Variants in MAST4 observed in about 807,000 individuals in gnomAD.
MAST4 encodes the protein microtubule-associated serine/threonine-protein kinase 4.
Under a neutral mutation model 162.7 loss-of-function variants are expected in MAST4, and 89 were observed. The observed-to-expected ratio is 0.55, with a 90% CI of 0.46 to 0.65. The LOEUF (loss-of-function observed/expected upper bound fraction) is 0.65. Ranked by LOEUF, MAST4 falls within the 30% of genes least tolerant of loss-of-function variation. MAST4 has a pLI of 0.00. For missense variants in MAST4, 3,153 were observed against 3,374.0 expected (o/e 0.93, Z 1.62); for synonymous variants, 1,479 against 1,361.1 (o/e 1.09, Z -1.91).
intron 3 of MAST4, among the ~76,000 whole-genome samples, chr5:66,877,333 T>C (rs1023998353): frequency 2.0e-5 from 3 of 152,344 alleles, no homozygotes; most frequent in Non-Finnish European, 2.9e-5. Flanking sequence ...CTGCTTCTAG[T>C]TGCTTTACAC....
chr5:67,034,127 A>G (rs1171995784), intron 4 of MAST4, among the ~76,000 whole-genome samples: 2 of 152,132 alleles, frequency 1.3e-5, no homozygotes, highest in African/African-American at 2.4e-5. Context: ...TAAAAGGCCT[A>G]TATCTTTTGT....
In MAST4 at chr5:67,142,469, C is replaced by T; in HGVS notation, c.2666C>T (p.Thr889Ile). The T allele has an allele frequency of 6.2e-7, 1 of 1,600,870 alleles. No homozygotes were observed. The highest frequency in any genetic ancestry group is 8.5e-7 in the Non-Finnish European group (1 of 1,173,230). ...ATGGAAACGGAGGAAGAAGATGACA[C>T]AAATGATGAAGACTTTAATGTGGAA... is the stretch of plus-strand genomic sequence containing the variant. ...HHMETEEEDD[T>I]NDEDFNVEIR... is the part of the protein sequence containing the mutation. Residue 889 changes from threonine to isoleucine, a missense_variant, in exon 21 of 29, where the codon ACA becomes ATA. Thr to Ile is a moderately conservative substitution (Grantham distance 89, BLOSUM62 -1). Around this residue, in one of 7 missense-constraint regions of MAST4, gnomAD observed 619 missense variants for 744.2 expected, o/e 0.83. Transcript: ENST00000403625.
At chr5:66,919,973 CTTCT>C (rs1764421873) in intron 4 of MAST4, among the ~76,000 whole-genome samples, 5 of 63,406 alleles carry the variant, frequency 7.9e-5, no homozygotes, top group African/African-American at 2.3e-4. Flanking sequence ...TCCTTCCTTC[CTTCT>C]TTCTCTCTCT....
intron 12 of MAST4, chr5:67,115,097 A>G (rs914689086): frequency 2.6e-5 from 4 of 151,820 alleles, no homozygotes; most frequent in African/African-American, 9.7e-5. Context: ...TTAAAATAAT[A>G]TTATCAAATT....
rs1242555676 is a variant in MAST4 at position 67,165,974 on chromosome 5, C to A, written c.6795C>A (p.Gly2265=). 1 of 1,613,448 alleles carries A rather than the reference C, an allele frequency of 6.2e-7. No individual in the cohort carries two copies. Among genetic ancestry groups the A allele is most frequent in the Non-Finnish European group, 8.5e-7 (1 of 1,179,806 alleles). The change falls in exon 29 of 29, where the codon GGC becomes GGA. Residue 2265 remains glycine, a synonymous_variant. Coordinates refer to ENST00000403625, the MANE Select transcript of MAST4 (RefSeq NM_001164664.2). ...GSQNKASDGI[G]QGEGGPSVPL... Reference sequence around the variant, plus strand: ...AGAACAAAGCCAGCGATGGGATTGGCCAGGGAGAAGGTGGGCCCTCTGTCC... The same window carrying A: ...AGAACAAAGCCAGCGATGGGATTGGACAGGGAGAAGGTGGGCCCTCTGTCC...
At chr5:66,646,974 G>C (rs1745880893) in intron 1 of MAST4, among the ~76,000 whole-genome samples, 1 of 152,150 alleles carries the variant, frequency 6.6e-6, no homozygotes, top group Non-Finnish European at 1.5e-5. Context: ...GTTTGTCTAA[G>C]TCATTCCTGT....
At chr5:66,669,746 A>G (rs1466672526) in intron 1 of MAST4, among the ~76,000 whole-genome samples, 1 of 152,182 alleles carries the variant, frequency 6.6e-6, no homozygotes, top group Non-Finnish European at 1.5e-5. Flanking sequence ...GCCAAGAGGC[A>G]CTGTTTCTGG....
intron 4 of MAST4, among the ~76,000 whole-genome samples, chr5:67,049,020 TAC>T (rs1262895801): frequency 1.9e-5 from 2 of 102,920 alleles, no homozygotes; most frequent in South Asian, 2.9e-4. Context: ...TATATATATA[TAC>T]GTATATATAT....
chr5:67,151,586 G>A (rs1006546720), intron 24 of MAST4, among the ~76,000 whole-genome samples: 5 of 152,174 alleles, frequency 3.3e-5, no homozygotes, highest in African/African-American at 1.2e-4. Context: ...TATGCAATGA[G>A]ATTCTCTTCA....
rs115282891 is a variant in MAST4, at chr5:66,747,308, C to G, written c.364-12401C>G. On this transcript the variant is annotated intron_variant, in intron 1 of 28. Coordinates refer to ENST00000403625, the MANE Select transcript of MAST4 (RefSeq NM_001164664.2). The stretch of plus-strand genomic sequence containing the variant: ...TATGTGAATGCCACTGTAGTTTGAT[C>G]TAATACTGTATTTTGGGATGTTTCT... Among the ~76,000 whole-genome samples, 1,036 of 152,180 alleles carry G rather than the reference C, an allele frequency of 6.8e-3. 11 individuals are homozygous for G. Among genetic ancestry groups the G allele is most frequent in the African/African-American group, 0.024 (991 of 41,524 alleles).
intron 3 of MAST4, among the ~76,000 whole-genome samples, chr5:66,881,404 C>T (rs564910261): frequency 4.6e-5 from 7 of 152,256 alleles, no homozygotes; most frequent in Non-Finnish European, 1.0e-4. Context: ...ATATTGTGAC[C>T]AAAAACATCT....
Position 66,802,696 on chromosome 5 carries a change from G to C in MAST4, c.642+13902G>C, listed in dbSNP as rs190207578. 8.1e-4 allele frequency among the ~76,000 whole-genome samples: 123 copies of C among 152,088 alleles called. 1 individual carries two copies. The highest frequency in any genetic ancestry group is 2.8e-3 in the African/African-American group (115 of 41,490). On this transcript the variant is annotated intron_variant, in intron 3 of 28. Transcript: ENST00000403625. Reference sequence around the variant, plus strand: ...TGTGGAGGATTGTTTTATTTTTCCAGTTGTGATCCTCATAAATCACCCCAA... The same window carrying C: ...TGTGGAGGATTGTTTTATTTTTCCACTTGTGATCCTCATAAATCACCCCAA...
At position 67,162,743 on chromosome 5, in the gene MAST4, C is replaced by G. The variant is rs201605726; in HGVS notation, c.3922C>G (p.Arg1308Gly). ...PGSPTHSLSP[R>G]SPTPSYRSTP... ...TTCCCCCACTCATAGCTTGTCTCCC[C>G]GGTCTCCAACACCAAGCTACCGCTC... The change falls in exon 28 of 29, where the codon CGG (arginine) becomes GGG (glycine). Residue 1308 changes from arginine (R) to glycine (G), a missense_variant. This residue lies in a region of MAST4 where 619 missense variants were observed against 744.2 expected (regional missense o/e 0.83). Coordinates refer to ENST00000403625, the MANE Select transcript of MAST4 (RefSeq NM_001164664.2). 9.0e-5 allele frequency: 145 copies of G among 1,613,764 alleles called. No homozygotes were observed. The highest frequency in any genetic ancestry group is 1.6e-4 in the Middle Eastern group (1 of 6,084).
chr5:66,666,036 T>C (rs1747235042), intron 1 of MAST4, among the ~76,000 whole-genome samples: 1 of 152,354 alleles, frequency 6.6e-6, no homozygotes, highest in Non-Finnish European at 1.5e-5. Flanking sequence ...TTTGAAATTC[T>C]AGTTTAATTG....
intron 1 of MAST4, among the ~76,000 whole-genome samples, chr5:66,656,970 A>G (rs1029577828): frequency 6.6e-6 from 1 of 152,180 alleles, no homozygotes; most frequent in African/African-American, 2.4e-5. Context: ...TTGAGAGCTC[A>G]TATGTCTTAC....
intron 1 of MAST4, among the ~76,000 whole-genome samples, chr5:66,702,083 T>C (rs1235295208): frequency 1.3e-5 from 2 of 152,152 alleles, no homozygotes; most frequent in Non-Finnish European, 1.5e-5. Context: ...GGAGCAGACT[T>C]TGAAGTTTCA....
intron 5 of MAST4, among the ~76,000 whole-genome samples, chr5:67,088,163 A>G (rs1335182915): frequency 2.0e-5 from 3 of 152,200 alleles, no homozygotes; most frequent in African/African-American, 7.2e-5. Flanking sequence ...TTCTTTCTTC[A>G]GATTAAAAAA....
At chr5:66,622,324 G>T (rs1157160599) in intron 1 of MAST4, among the ~76,000 whole-genome samples, 1 of 152,060 alleles carries the variant, frequency 6.6e-6, no homozygotes, top group Non-Finnish European at 1.5e-5. Context: ...CCAGAGTGGA[G>T]CAGAACAAGT....
intron 11 of MAST4, among the ~76,000 whole-genome samples, chr5:67,113,325 A>G (rs1766483149): frequency 6.6e-6 from 1 of 150,632 alleles, no homozygotes; most frequent in African/African-American, 2.4e-5. Flanking sequence ...AAAAAAAAAA[A>G]AAAAAAAAAA....
Sources: gnomAD v4.1 joint callset for allele counts (sites outside exome capture counted in the v4.1 genomes callset) on GRCh38, gnomAD v4.1.1 for gene constraint, gnomAD v4.1.1 regional missense constraint, MANE v1.5 for transcripts, NCBI Gene and HGNC (gene_info 2026-07-23, HGNC 2026-07-21) for gene names.